The following BUB1B variants were observed in gnomAD, a reference collection of about 807,000 sequenced individuals.
BUB1B encodes the protein BUB1 mitotic checkpoint serine/threonine kinase B.
A neutral mutation model predicts 137.7 loss-of-function variants in BUB1B; 86 were observed. That is an observed-to-expected ratio of 0.62 (90% CI 0.52 to 0.75). The LOEUF (loss-of-function observed/expected upper bound fraction) is 0.75, where lower values mean the gene tolerates loss of function less well. Among genes scored for constraint, BUB1B ranks in the 30% least tolerant of loss-of-function variants. BUB1B has a pLI of 0.00. For missense variants in BUB1B, 1,130 were observed against 1,236.9 expected (o/e 0.91, Z 1.30); for synonymous variants, 420 against 417.9 (o/e 1.00, Z -0.06).
rs755014372 is a variant in BUB1B at position 40,217,616 on chromosome 15, A to G, written c.2799A>G (p.Val933=). ...DVFTLSGFRT[V]QILEGQKILA... ...TTACCCTCAGCGGCTTTCGGACTGT[A>G]CAGATCCTGGAAGGACAAAAGATCC... is the stretch of plus-strand genomic sequence containing the variant. Residue 933 remains valine, a synonymous_variant, in exon 21 of 23, where the codon GTA becomes GTG. Transcript: ENST00000287598. 2 of 1,614,230 alleles carry G rather than the reference A, an allele frequency of 1.2e-6. No individual in the cohort carries two copies. The highest frequency in any genetic ancestry group is 8.5e-7 in the Non-Finnish European group (1 of 1,180,042).
At chr15:40,220,098 A>G (rs1040707177) in intron 22 of BUB1B, among the ~76,000 whole-genome samples, 11 of 152,194 alleles carry the variant, frequency 7.2e-5, no homozygotes, top group African/African-American at 2.7e-4. Flanking sequence ...TGATCAAAAG[A>G]AAATAATAAG....
rs761915692 is a variant in BUB1B at position 40,196,682 on chromosome 15, G to C, written c.1196G>C (p.Cys399Ser). Residue 399 changes from cysteine to serine, a missense_variant, in exon 9 of 23, where the codon TGT (cysteine) becomes TCT (serine). By Grantham distance (112) the Cys-to-Ser change is moderately radical (BLOSUM62 -1). Transcript: ENST00000287598. ...SEEKKEKMMY[C>S]KEKIYAGVGE... ...GAGAAGAAAGAGAAGATGATGTATT[G>C]TAAGGAGAAGATTTATGCAGGAGTA... 1 of 1,614,032 alleles carries C rather than the reference G, an allele frequency of 6.2e-7. No homozygotes were observed. The highest frequency in any genetic ancestry group is 8.5e-7 in the Non-Finnish European group (1 of 1,179,938).
chr15:40,201,169 A>G (rs2037564521), intron 12 of BUB1B, among the ~76,000 whole-genome samples, 189 bp downstream of exon 12: 1 of 152,240 alleles, frequency 6.6e-6, no homozygotes, highest in Non-Finnish European at 1.5e-5. Context: ...AAGATTCCTC[A>G]GTGCTTCAAA....
Position 40,183,827 on chromosome 15 carries a change from G to C in BUB1B, c.695G>C (p.Ser232Thr). The C allele has an allele frequency of 6.2e-7, 1 of 1,614,108 alleles. No homozygotes were observed. Among genetic ancestry groups the C allele is most frequent in the Non-Finnish European group, 8.5e-7 (1 of 1,179,964 alleles). The change falls in exon 6 of 23, where the codon AGC (serine) becomes ACC (threonine). Residue 232 changes from serine to threonine, a missense_variant. By Grantham distance (58) the Ser-to-Thr change is moderately conservative. Coordinates refer to ENST00000287598, the MANE Select transcript of BUB1B (RefSeq NM_001211.6). ...CGAAGCACACTAGCTGAACTAAAGA[G>C]CAAAGGGAAAAAGACAGCAAGAGCT... ...PQRSTLAELK[S>T]KGKKTARAPI...
At position 40,184,930 on chromosome 15, in the gene BUB1B, A is replaced by G. The variant is rs371450958; in HGVS notation, c.752-235A>G. ...TTTTTTGGAAATTTGTGAATAAAAGATGTGGGGTGACTGGAGGAGGGAAAA... is the reference window on the plus strand; with the variant it reads ...TTTTTTGGAAATTTGTGAATAAAAGGTGTGGGGTGACTGGAGGAGGGAAAA... On this transcript the variant is annotated intron_variant, in intron 6 of 22. Transcript: ENST00000287598. Among the ~76,000 whole-genome samples, 9 of 152,294 alleles carry G rather than the reference A, an allele frequency of 5.9e-5. No individual in the cohort carries two copies. In the East Asian group the frequency reaches 9.6e-4, roughly 16 times the overall value.
chr15:40,199,869 G>C, intron 10 of BUB1B, 142 bp downstream of exon 10: 1 of 708,468 alleles, frequency 1.4e-6, no homozygotes, highest in Middle Eastern at 3.9e-4. Context: ...GGAAAGTTGA[G>C]CGGGAAAGTA....
intron 18 of BUB1B, among the ~76,000 whole-genome samples, chr15:40,211,133 CTTT>C: frequency 6.6e-6 from 1 of 152,172 alleles, no homozygotes; most frequent in South Asian, 2.1e-4. Flanking sequence ...TATATTCTCT[CTTT>C]GTCTTTTTAC....
intron 20 of BUB1B, among the ~76,000 whole-genome samples, chr15:40,215,189 G>T (rs1182813314): frequency 1.3e-5 from 2 of 152,160 alleles, no homozygotes; most frequent in Admixed American, 6.5e-5. Context: ...CCAGAAAGGG[G>T]CCGAGCACAG....
intron 6 of BUB1B, 55 bp downstream of exon 6, chr15:40,183,938 T>C: frequency 1.9e-6 from 3 of 1,569,726 alleles, no homozygotes; most frequent in Admixed American, 1.7e-5. Flanking sequence ...GGTAAAATCA[T>C]GTAAGAAGAT....
intron 4 of BUB1B, among the ~76,000 whole-genome samples, chr15:40,171,064 T>C (rs1307633992): frequency 6.6e-6 from 1 of 152,050 alleles, no homozygotes; most frequent in Non-Finnish European, 1.5e-5. Context: ...GCCTCGTGAG[T>C]AGCTGGGACT....
rs955335679 is a variant in BUB1B, at chr15:40,220,855, T to A, written c.*96T>A. The A allele has an allele frequency of 2.3e-6, 3 of 1,294,592 alleles. No individual in the cohort carries two copies. Among genetic ancestry groups the A allele is most frequent in the Non-Finnish European group, 3.3e-6 (3 of 895,958 alleles). 80.2% of individuals were successfully genotyped at this position (1,294,592 alleles called of 1,614,324 possible). ...GTGCTGTAATTTAATTTAGGACACA[T>A]TTAGATGCACTACCATTGCTGTTCT... On this transcript the variant is annotated 3_prime_UTR_variant, in exon 23 of 23. Transcript: ENST00000287598.
chr15:40,200,881 G>T (rs773795418), intron 11 of BUB1B, 50 bp from the exon 12 acceptor site: 24 of 1,524,930 alleles, frequency 1.6e-5, no homozygotes, highest in Non-Finnish European at 1.8e-6. Flanking sequence ...AAATTAAACA[G>T]TTCTTTCTGT....
chr15:40,165,065 C>T lies in BUB1B; in HGVS notation c.48C>T (p.Ser16=), dbSNP rs1369704386. 2 of 1,613,912 alleles carry T rather than the reference C, an allele frequency of 1.2e-6. No individual in the cohort carries two copies. The highest frequency in any genetic ancestry group is 2.2e-5 in the East Asian group (1 of 44,892). Residue 16 remains serine (S), a synonymous_variant, in exon 2 of 23, where the codon TCC becomes TCT. Coordinates refer to ENST00000287598, the MANE Select transcript of BUB1B (RefSeq NM_001211.6). The part of the protein sequence containing the change: ...KEGGALSEAM[S]LEGDEWELSK... ...TCCTTCTTCACAGTGAAGCCATGTCCCTGGAGGGAGATGAATGGGAACTGA... is the reference window on the plus strand; with the variant it reads ...TCCTTCTTCACAGTGAAGCCATGTCTCTGGAGGGAGATGAATGGGAACTGA...
In BUB1B at chr15:40,164,980, A is replaced by G. The variant is rs981922800; in HGVS notation, c.36-73A>G. 22 of 1,580,190 alleles carry G rather than the reference A, an allele frequency of 1.4e-5. No homozygotes were observed. The African/African-American group carries it at 2.7e-4, about 19-fold the overall frequency. The stretch of plus-strand genomic sequence containing the variant: ...AGACCATGAATAATCACCTTTCGGA[A>G]GACATTTACAATAATCTAGTGCTAT... On this transcript the variant is annotated intron_variant, in intron 1 of 22. Transcript: ENST00000287598.
chr15:40,206,153 T>C, intron 14 of BUB1B, 31 bp from the exon 15 acceptor site: 1 of 1,612,742 alleles, frequency 6.2e-7, no homozygotes, highest in Non-Finnish European at 8.5e-7. Context: ...TTGAAATATT[T>C]TAGCTAAACT....
At chr15:40,170,002 T>TA in intron 2 of BUB1B, 60 bp from the exon 3 acceptor site, 1 of 1,299,680 alleles carries the variant, frequency 7.7e-7, no homozygotes, top group South Asian at 1.2e-5. Context: ...ATGGAAGTGA[T>TA]ACTTGTTCAT....
Position 40,212,428 on chromosome 15 carries a change from A to G in BUB1B, c.2386-71A>G, listed in dbSNP as rs1031802183. ...TTTCTCTATCAGAAGGGCTGGAAGG[A>G]ATGTGTTTCAACCTGCCAGCCATAA... On this transcript the variant is annotated intron_variant, in intron 18 of 22. Coordinates refer to ENST00000287598, the MANE Select transcript of BUB1B (RefSeq NM_001211.6). The G allele has an allele frequency of 1.1e-4, 126 of 1,147,104 alleles. No homozygotes were observed. In the African/African-American group the frequency reaches 1.8e-3, roughly 17 times the overall value. 71.1% of individuals were successfully genotyped at this position (1,147,104 alleles called of 1,614,324 possible).
At chr15:40,168,368 A>C (rs2037125542) in intron 2 of BUB1B, among the ~76,000 whole-genome samples, 1 of 149,408 alleles carries the variant, frequency 6.7e-6, no homozygotes. Flanking sequence ...ATTCCGTCTC[A>C]AAAAAAAAAG....
At chr15:40,168,497 T>C (rs1331972589) in intron 2 of BUB1B, among the ~76,000 whole-genome samples, 1 of 152,256 alleles carries the variant, frequency 6.6e-6, no homozygotes, top group Non-Finnish European at 1.5e-5. Context: ...TTTATTGTTT[T>C]ACCATTTCTG....
Sources: gnomAD v4.1 joint callset for allele counts (sites outside exome capture counted in the v4.1 genomes callset) on GRCh38, gnomAD v4.1.1 for gene constraint, MANE v1.5 for transcripts, NCBI Gene and HGNC (gene_info 2026-07-23, HGNC 2026-07-21) for gene names.